Variants in POU3F3 observed in about 807,000 individuals in gnomAD.
POU3F3 encodes the protein POU domain, class 3, transcription factor 3.
Under a neutral mutation model 8.6 loss-of-function variants are expected in POU3F3, and 1 was observed. The observed-to-expected ratio is 0.12, with a 90% CI of 0.04 to 0.55. The LOEUF is 0.55. POU3F3 is among the 20% of genes least tolerant of loss of function. The pLI is 0.91. For synonymous variants in POU3F3, 418 were observed against 327.4 expected (o/e 1.28, Z -2.99); for missense variants, 577 against 690.7 (o/e 0.84, Z 1.84).
At chr2:104,921,212 A>G in the POU3F3 span, among the ~76,000 whole-genome samples, 1 of 152,140 alleles carries the variant, frequency 6.6e-6, no homozygotes, top group Non-Finnish European at 1.5e-5. Flanking sequence ...ATATGAGGCT[A>G]GTGGTGTACG....
chr2:104,887,343 C>T, the POU3F3 span, among the ~76,000 whole-genome samples: 672 of 152,344 alleles, frequency 4.4e-3, 20 homozygotes, highest in Admixed American at 0.034. Flanking sequence ...TCATTTTACC[C>T]AGCCCCTACT....
At chr2:104,853,829 A>T (rs1389317624), upstream of POU3F3, 2 of 151,712 alleles carry the variant, frequency 1.3e-5, no homozygotes, top group Non-Finnish European at 2.9e-5. Context: ...GCCGGACACT[A>T]AGAGTTAAGA....
Position 104,856,437 on chromosome 2 carries a change from C to T in POU3F3, c.927C>T (p.Asp309=), listed in dbSNP as rs748058450. The change falls in exon 1 of 1, where the codon GAC becomes GAT. Residue 309 remains aspartate, a synonymous_variant. Coordinates refer to ENST00000361360, the MANE Select transcript of POU3F3 (RefSeq NM_006236.3). ...GGAGPGLNSH[D]PHSDEDTPTS... ...CGGGGCCTGGACTCAACAGCCACGACCCGCACTCGGACGAGGACACGCCGA... is the reference window on the plus strand; with the variant it reads ...CGGGGCCTGGACTCAACAGCCACGATCCGCACTCGGACGAGGACACGCCGA... The T allele has an allele frequency of 6.2e-7, 1 of 1,610,828 alleles. No individual in the cohort carries two copies.
the POU3F3 span, among the ~76,000 whole-genome samples, chr2:104,924,176 A>T: frequency 6.6e-6 from 1 of 152,216 alleles, no homozygotes; most frequent in Non-Finnish European, 1.5e-5. Context: ...TGATTTTTAA[A>T]AGCATGTTAT....
At chr2:104,872,103 C>T in the POU3F3 span, 4 of 400,374 alleles carry the variant, frequency 1.0e-5, no homozygotes, top group Admixed American at 1.1e-4. This position sits in a 1 kb window ranked among gnomAD's most constrained non-coding sequence, Gnocchi z 4.6. Flanking sequence ...CTTCCTTGCT[C>T]GGGAAACTTG....
chr2:104,867,600 G>A, the POU3F3 span: 1 of 152,746 alleles, frequency 6.5e-6, no homozygotes, highest in Admixed American at 6.5e-5. This position sits in a 1 kb window ranked among gnomAD's most constrained non-coding sequence, Gnocchi z 5.0. Flanking sequence ...GTAGGTGCCC[G>A]CGCCTGGGCC....
At chr2:104,886,624 C>G in the POU3F3 span, among the ~76,000 whole-genome samples, 746 of 152,246 alleles carry the variant, frequency 4.9e-3, 8 homozygotes, top group African/African-American at 0.017. Flanking sequence ...AGTAAAGGAA[C>G]AGGCCAGGCG....
the POU3F3 span, among the ~76,000 whole-genome samples, chr2:104,900,688 G>C: frequency 6.6e-6 from 1 of 152,170 alleles, no homozygotes; most frequent in African/African-American, 2.4e-5. Context: ...TATTAAACTA[G>C]AGCCTGTCCC....
At chr2:104,883,126 G>A in the POU3F3 span, among the ~76,000 whole-genome samples, 1 of 152,222 alleles carries the variant, frequency 6.6e-6, no homozygotes, top group Non-Finnish European at 1.5e-5. Context: ...CTTTGCTGTG[G>A]AGAGTTGCTG....
the POU3F3 span, among the ~76,000 whole-genome samples, chr2:104,926,456 C>G: frequency 6.6e-6 from 1 of 152,262 alleles, no homozygotes; most frequent in East Asian, 1.9e-4. Flanking sequence ...CAAGAAACAA[C>G]AGCTGCTTTA....
chr2:104,916,520 T>A, the POU3F3 span, among the ~76,000 whole-genome samples: 1 of 152,232 alleles, frequency 6.6e-6, no homozygotes, highest in African/African-American at 2.4e-5. Context: ...CTGGAGAATC[T>A]GCTCTCAAGC....
chr2:104,902,566 C>A, the POU3F3 span, among the ~76,000 whole-genome samples: 1 of 152,134 alleles, frequency 6.6e-6, no homozygotes, highest in Non-Finnish European at 1.5e-5. Flanking sequence ...ACTGTACAGG[C>A]TTTGCAGTTG....
rs1363559266 is a variant in POU3F3, at chr2:104,855,373, G to A, written c.-138G>A. The stretch of plus-strand genomic sequence containing the variant: ...AAGGCGGCGGGGCCGGCGGGGGCCC[G>A]GGGCGGGGGCGGGGAAGGAGGGGGG... On this transcript the variant is annotated 5_prime_UTR_variant, in exon 1 of 1. Transcript: ENST00000361360. 12 of 287,662 alleles carry A rather than the reference G, an allele frequency of 4.2e-5. No homozygotes were observed. The highest frequency in any genetic ancestry group is 2.5e-4 in the African/African-American group (10 of 39,384). The allele number at this position is 287,662 out of a possible 1,614,324, so 17.8% of individuals were successfully genotyped here.
At chr2:104,885,455 T>A in the POU3F3 span, among the ~76,000 whole-genome samples, 1 of 152,192 alleles carries the variant, frequency 6.6e-6, no homozygotes. Flanking sequence ...CATAAAATGA[T>A]GCAGTAAAGA....
the POU3F3 span, among the ~76,000 whole-genome samples, chr2:104,900,336 A>G: frequency 6.6e-6 from 1 of 152,336 alleles, no homozygotes; most frequent in East Asian, 1.9e-4. Flanking sequence ...TACATAGAAA[A>G]ATATGGAATG....
chr2:104,865,835 G>T, the POU3F3 span: 3 of 152,124 alleles, frequency 2.0e-5, no homozygotes, highest in African/African-American at 7.2e-5. Flanking sequence ...AAACTCTCCT[G>T]CAGAGTTAAA....
the POU3F3 span, among the ~76,000 whole-genome samples, chr2:104,904,909 C>T: frequency 6.6e-6 from 1 of 152,212 alleles, no homozygotes; most frequent in Admixed American, 6.5e-5. Flanking sequence ...GTCTCTGGGC[C>T]CGCTGAATTC....
At chr2:104,927,746 C>CAAAAA in the POU3F3 span, among the ~76,000 whole-genome samples, 2 of 79,462 alleles carry the variant, frequency 2.5e-5, no homozygotes, top group Admixed American at 1.5e-4. Context: ...GACCTTGTCT[C>CAAAAA]AAAAAAAAAA....
At chr2:104,862,325 C>G (rs1010032768), downstream of POU3F3, among the ~76,000 whole-genome samples, 1 of 152,124 alleles carries the variant, frequency 6.6e-6, no homozygotes, top group Non-Finnish European at 1.5e-5. Context: ...CTTGGCGGCA[C>G]GATGTGTGCG....
Sources: allele counts gnomAD v4.1 joint callset (sites outside exome capture counted in the v4.1 genomes callset), GRCh38; gene constraint gnomAD v4.1.1; non-coding constraint Gnocchi (gnomAD v3.1); transcripts MANE v1.5; gene names NCBI Gene and HGNC (gene_info 2026-07-23, HGNC 2026-07-21).